PRDM11: variants seen among roughly 807,000 people sequenced by gnomAD.
The protein encoded by PRDM11 is PR domain-containing protein 11.
A neutral mutation model predicts 97.8 loss-of-function variants in PRDM11; 20 were observed. The observed-to-expected ratio is 0.20, with a 90% CI of 0.14 to 0.30. PRDM11 has a LOEUF of 0.30. PRDM11 is among the 10% of genes least tolerant of loss of function. The probability of loss-of-function intolerance (pLI) is 1.00; values close to 1 mark genes in which losing one functional copy is unlikely to be tolerated. For synonymous variants in PRDM11, 599 were observed against 637.7 expected, an observed-to-expected ratio of 0.94 and a Z score of 0.91; for missense variants, 1,139 against 1,555.2, an observed-to-expected ratio of 0.73 and a Z score of 4.50.
chr11:45,159,692 G>A (rs1014668526), intron 1 of PRDM11, among the ~76,000 whole-genome samples: 5 of 152,148 alleles, frequency 3.3e-5, no homozygotes, highest in South Asian at 2.1e-4. Context: ...GTTTGGGGTC[G>A]GGGCTTATGG....
intron 1 of PRDM11, among the ~76,000 whole-genome samples, chr11:45,098,145 C>G (rs1161595608): frequency 2.6e-5 from 4 of 152,242 alleles, no homozygotes; most frequent in Non-Finnish European, 4.4e-5. Flanking sequence ...GTATCAGGCC[C>G]AGTGACTAGC....
chr11:45,157,726 T>A (rs1240770331), intron 1 of PRDM11, among the ~76,000 whole-genome samples: 1 of 152,232 alleles, frequency 6.6e-6, no homozygotes, highest in Non-Finnish European at 1.5e-5. Context: ...CAGGCTGGCC[T>A]GGTTGGTGGG....
chr11:45,180,686 TGGGCAGGGCCGGGCGGGCCGGGCC>T (rs1852455906), intron 1 of PRDM11, among the ~76,000 whole-genome samples: 2 of 149,134 alleles, frequency 1.3e-5, no homozygotes, highest in Admixed American at 6.6e-5. Flanking sequence ...GGGCGGGCGC[TGGGCAGGGCCGGGCGGGCCGGGCC>T]GGGCAGGGAG....
chr11:45,199,038 G>A (rs1853232161), intron 4 of PRDM11, among the ~76,000 whole-genome samples: 1 of 152,086 alleles, frequency 6.6e-6, no homozygotes, highest in Non-Finnish European at 1.5e-5. Flanking sequence ...TACTCCATAA[G>A]TGGTAGCTGT....
intron 4 of PRDM11, among the ~76,000 whole-genome samples, chr11:45,198,377 T>C (rs773099660): frequency 2.0e-5 from 3 of 152,200 alleles, no homozygotes; most frequent in Non-Finnish European, 2.9e-5. Context: ...AGAAAAGAAG[T>C]GATGCCATCT....
At chr11:45,222,243 T>A (rs1003811435) in intron 6 of PRDM11, among the ~76,000 whole-genome samples, 8 of 152,234 alleles carry the variant, frequency 5.3e-5, no homozygotes, top group Non-Finnish European at 1.2e-4. Context: ...AATTTCATGA[T>A]GCTTAAAGGT....
At chr11:45,191,030 G>GT (rs1852894715) in intron 4 of PRDM11, among the ~76,000 whole-genome samples, 1 of 152,256 alleles carries the variant, frequency 6.6e-6, no homozygotes, top group East Asian at 1.9e-4. Flanking sequence ...ATCCTTTGTG[G>GT]TTTTTTCCCC....
At chr11:45,126,982 T>C (rs915886379) in intron 1 of PRDM11, among the ~76,000 whole-genome samples, 2 of 152,202 alleles carry the variant, frequency 1.3e-5, no homozygotes, top group African/African-American at 2.4e-5. Context: ...GCCAATCAGA[T>C]GTAGATTTGG....
chr11:45,104,968 C>A (rs1266855559), intron 1 of PRDM11, among the ~76,000 whole-genome samples: 2 of 152,184 alleles, frequency 1.3e-5, no homozygotes, highest in Non-Finnish European at 2.9e-5. Context: ...CCAGTGGCCC[C>A]ATGTCTTAGT....
intron 1 of PRDM11, among the ~76,000 whole-genome samples, chr11:45,138,259 T>A (rs1301876808): frequency 6.6e-6 from 1 of 152,080 alleles, no homozygotes; most frequent in Non-Finnish European, 1.5e-5. Flanking sequence ...GAGAAAACAT[T>A]GCAGTCATTC....
chr11:45,187,554 A>G (rs1026520838), intron 4 of PRDM11, among the ~76,000 whole-genome samples: 2 of 152,196 alleles, frequency 1.3e-5, no homozygotes, highest in African/African-American at 4.8e-5. Context: ...TCCACCAGTC[A>G]CGAGTAGGCG....
intron 1 of PRDM11, among the ~76,000 whole-genome samples, chr11:45,159,504 G>GGT (rs1421151418): frequency 1.3e-5 from 2 of 152,228 alleles, no homozygotes; most frequent in African/African-American, 2.4e-5. Flanking sequence ...TGCGGATGAA[G>GGT]GAGTTGAGGC....
At chr11:45,104,361 C>T (rs1293787363) in intron 1 of PRDM11, among the ~76,000 whole-genome samples, 1 of 152,196 alleles carries the variant, frequency 6.6e-6, no homozygotes, top group Non-Finnish European at 1.5e-5. Context: ...ATTCAGGATC[C>T]TCTGGATGAA....
At chr11:45,097,404 G>A (rs1000376748) in intron 1 of PRDM11, among the ~76,000 whole-genome samples, 12 of 152,264 alleles carry the variant, frequency 7.9e-5, no homozygotes, top group East Asian at 1.9e-4. Context: ...GTTACATGCC[G>A]GCAGAATTGC....
chr11:45,180,492 T>C (rs1852446738), intron 1 of PRDM11, among the ~76,000 whole-genome samples: 1 of 151,756 alleles, frequency 6.6e-6, no homozygotes, highest in South Asian at 2.1e-4. Flanking sequence ...TGGGAGGCCC[T>C]GGAATGCGTC....
At chr11:45,125,343 G>C (rs2135635979) in intron 1 of PRDM11, among the ~76,000 whole-genome samples, 1 of 152,182 alleles carries the variant, frequency 6.6e-6, no homozygotes, top group East Asian at 1.9e-4. Flanking sequence ...ATTTCCTTAA[G>C]TTCTGCTCTG....
chr11:45,109,510 G>A (rs1852128924), intron 1 of PRDM11, among the ~76,000 whole-genome samples: 1 of 152,128 alleles, frequency 6.6e-6, no homozygotes, highest in Non-Finnish European at 1.5e-5. Context: ...ACTCTCCCTA[G>A]AAAGGAGACC....
At chr11:45,110,221 C>A (rs1852143183) in intron 1 of PRDM11, among the ~76,000 whole-genome samples, 1 of 152,066 alleles carries the variant, frequency 6.6e-6, no homozygotes, top group African/African-American at 2.4e-5. Context: ...TTTTATTTTT[C>A]TTCCAAGAAC....
chr11:45,104,227 G>T (rs1852024358), intron 1 of PRDM11, among the ~76,000 whole-genome samples: 1 of 152,214 alleles, frequency 6.6e-6, no homozygotes, highest in African/African-American at 2.4e-5. Context: ...GCTCTTCCAG[G>T]TGATGAGGCA....
Sources: allele counts gnomAD v4.1 joint callset (sites outside exome capture counted in the v4.1 genomes callset), GRCh38; gene constraint gnomAD v4.1.1; transcripts MANE v1.5; gene names NCBI Gene and HGNC (gene_info 2026-07-23, HGNC 2026-07-21).